MEF2A: variants seen among roughly 807,000 people sequenced by gnomAD.
MEF2A encodes the protein myocyte-specific enhancer factor 2A.
A neutral mutation model predicts 55.8 loss-of-function variants in MEF2A; 28 were observed. That is an observed-to-expected ratio of 0.50 (90% CI 0.37 to 0.69). The LOEUF (loss-of-function observed/expected upper bound fraction) is 0.69, where lower values mean the gene tolerates loss of function less well. Ranked by LOEUF, MEF2A falls within the 30% of genes least tolerant of loss-of-function variation. MEF2A has a pLI of 0.00. For synonymous variants in MEF2A, 239 were observed against 227.1 expected (o/e 1.05, Z -0.47); for missense variants, 528 against 626.2 (o/e 0.84, Z 1.67).
chr15:99,686,080 T>C (rs943387020), intron 7 of MEF2A, among the ~76,000 whole-genome samples: 4 of 152,128 alleles, frequency 2.6e-5, no homozygotes, highest in African/African-American at 9.7e-5. Flanking sequence ...CTCCTCTAGA[T>C]TTTCTAGTAT....
intron 8 of MEF2A, among the ~76,000 whole-genome samples, chr15:99,697,662 T>C (rs916736024): frequency 6.6e-6 from 1 of 152,220 alleles, no homozygotes; most frequent in Non-Finnish European, 1.5e-5. Flanking sequence ...TCTTCCCAGA[T>C]TGATCTGTAG....
rs150116732 is a variant in MEF2A at position 99,648,086 on chromosome 15, G to A, written c.258+2322G>A. 4.3e-3 allele frequency among the ~76,000 whole-genome samples: 657 copies of A among 152,242 alleles called. 2 individuals are homozygous for A. Among genetic ancestry groups the A allele is most frequent in the Middle Eastern group, 6.8e-3 (2 of 294 alleles). On this transcript the variant is annotated intron_variant, in intron 4 of 11. Transcript: ENST00000557942. ...GCTATGGTTCAAATTAAATTTACAG[G>A]ATAACAGTAATGAAGTTACTTACAT...
chr15:99,583,965 C>T (rs1966647271), intron 1 of MEF2A, among the ~76,000 whole-genome samples: 1 of 152,114 alleles, frequency 6.6e-6, no homozygotes, highest in Non-Finnish European at 1.5e-5. Flanking sequence ...CTACTACACA[C>T]CTAGGCTATA....
intron 1 of MEF2A, chr15:99,566,745 ACGG>A (rs1261091184): frequency 1.3e-5 from 2 of 152,216 alleles, no homozygotes; most frequent in Non-Finnish European, 2.9e-5. Context: ...GATTGGTCTA[ACGG>A]GGTGGAACGC....
At chr15:99,683,729 A>AT (rs1181686848) in intron 7 of MEF2A, among the ~76,000 whole-genome samples, 1 of 151,556 alleles carries the variant, frequency 6.6e-6, no homozygotes, top group Non-Finnish European at 1.5e-5. Context: ...AAAAAAAAAA[A>AT]AATTATTTCA....
chr15:99,617,212 A>C (rs1352724810), intron 2 of MEF2A, among the ~76,000 whole-genome samples: 4 of 151,456 alleles, frequency 2.6e-5, no homozygotes. Context: ...GAAACAGTCA[A>C]CTTCAGAACT....
At chr15:99,596,815 G>A (rs1245216022) in intron 1 of MEF2A, among the ~76,000 whole-genome samples, 1 of 152,200 alleles carries the variant, frequency 6.6e-6, no homozygotes, top group African/African-American at 2.4e-5. Flanking sequence ...CTAATCCATT[G>A]AGCAGTGTTC....
intron 1 of MEF2A, among the ~76,000 whole-genome samples, chr15:99,595,888 A>T (rs181573837): frequency 1.3e-5 from 2 of 152,194 alleles, no homozygotes; most frequent in African/African-American, 4.8e-5. Flanking sequence ...GTGTGTGTCA[A>T]CGGGTAGTCG....
At chr15:99,667,351 GCTGGGACTACAGGTGC>G (rs1444242557) in intron 4 of MEF2A, among the ~76,000 whole-genome samples, 1 of 152,076 alleles carries the variant, frequency 6.6e-6, no homozygotes, top group African/African-American at 2.4e-5. Flanking sequence ...CTCCCGAGTA[GCTGGGACTACAGGTGC>G]CCGCCACCAC....
intron 1 of MEF2A, among the ~76,000 whole-genome samples, chr15:99,566,821 C>T (rs1036316848): frequency 2.0e-5 from 3 of 151,934 alleles, no homozygotes; most frequent in Admixed American, 6.5e-5. Context: ...GGGCGGACAC[C>T]TGCGGTTGCG....
chr15:99,708,820 G>A (rs1351939436), intron 10 of MEF2A, among the ~76,000 whole-genome samples: 1 of 152,204 alleles, frequency 6.6e-6, no homozygotes, highest in Admixed American at 6.5e-5. Context: ...GCCAGGCAGA[G>A]GAGGCAGAGT....
chr15:99,700,237 G>A (rs1271891852), intron 8 of MEF2A, among the ~76,000 whole-genome samples: 1 of 138,320 alleles, frequency 7.2e-6, no homozygotes, highest in Non-Finnish European at 1.6e-5. Context: ...TGTCTGGCTG[G>A]GCACAGTGGC....
rs1364444037 is a variant in MEF2A at position 99,674,601 on chromosome 15, C to T, written c.599C>T (p.Thr200Ile). 11 of 1,613,308 alleles carry T rather than the reference C, an allele frequency of 6.8e-6. No homozygotes were observed. The highest frequency in any genetic ancestry group is 1.3e-5 in the African/African-American group (1 of 75,008). The change falls in exon 6 of 12, where the codon ACT becomes ATT. Residue 200 changes from threonine to isoleucine, a missense_variant. By Grantham distance (89) the Thr-to-Ile change is moderately conservative. This residue lies in a region of MEF2A where 450 missense variants were observed against 475.3 expected (regional missense o/e 0.95). Transcript: ENST00000557942. ...SPGAPQRPPS[T>I]GNAGGMLSTT... The stretch of plus-strand genomic sequence containing the variant: ...GGAGCTCCTCAGAGACCACCAAGTA[C>T]TGGCAATGCAGGTATGTAGTGATAC...
intron 8 of MEF2A, among the ~76,000 whole-genome samples, chr15:99,695,180 G>A (rs1329999323): frequency 2.0e-5 from 3 of 152,048 alleles, no homozygotes; most frequent in African/African-American, 4.8e-5. Flanking sequence ...ATCTGACTAT[G>A]TAAGGCAAAA....
At chr15:99,615,391 T>C (rs2040021093) in intron 2 of MEF2A, among the ~76,000 whole-genome samples, 1 of 152,182 alleles carries the variant, frequency 6.6e-6, no homozygotes, top group African/African-American at 2.4e-5. Flanking sequence ...TATTAAGTAA[T>C]GATTATCACT....
At chr15:99,657,327 C>T (rs1419782001) in intron 4 of MEF2A, 1 of 150,772 alleles carries the variant, frequency 6.6e-6, no homozygotes, top group Non-Finnish European at 1.5e-5. Flanking sequence ...AAAAAAATAG[C>T]AAAAACATCA....
intron 1 of MEF2A, among the ~76,000 whole-genome samples, chr15:99,576,899 G>A (rs898137970): frequency 2.6e-5 from 4 of 152,088 alleles, no homozygotes; most frequent in African/African-American, 9.6e-5. Flanking sequence ...CACCCACCTC[G>A]GCCTCCCAAA....
At chr15:99,606,916 G>A (rs1975355756) in intron 2 of MEF2A, among the ~76,000 whole-genome samples, 1 of 152,114 alleles carries the variant, frequency 6.6e-6, no homozygotes, top group East Asian at 1.9e-4. Flanking sequence ...CACTCAATAT[G>A]ATGTTCATCA....
At chr15:99,644,075 C>G (rs1282246481) in intron 3 of MEF2A, among the ~76,000 whole-genome samples, 2 of 152,106 alleles carry the variant, frequency 1.3e-5, no homozygotes, top group African/African-American at 4.8e-5. Flanking sequence ...ATTCAGTTTA[C>G]TAGCTAACAG....
Sources: allele counts gnomAD v4.1 joint callset (sites outside exome capture counted in the v4.1 genomes callset), GRCh38; gene constraint gnomAD v4.1.1; regional missense constraint gnomAD v4.1.1; transcripts MANE v1.5; gene names NCBI Gene and HGNC (gene_info 2026-07-23, HGNC 2026-07-21).